Variants in RPS6KA2 observed in about 807,000 individuals in gnomAD.
RPS6KA2 encodes ribosomal protein S6 kinase A2, also known as ribosomal protein S6 kinase alpha-2.
A neutral mutation model predicts 91.8 loss-of-function variants in RPS6KA2; 42 were observed. The observed-to-expected ratio is 0.46, with a 90% CI of 0.36 to 0.59. The LOEUF (loss-of-function observed/expected upper bound fraction) is 0.59. Among genes scored for constraint, RPS6KA2 ranks in the 20% least tolerant of loss-of-function variants. The pLI is 0.00. For synonymous variants in RPS6KA2, 414 were observed against 393.6 expected (o/e 1.05, Z -0.61); for missense variants, 798 against 978.5 (o/e 0.82, Z 2.46).
chr6:166,754,383 T>C (rs1777935716), intron 2 of RPS6KA2, among the ~76,000 whole-genome samples: 1 of 151,906 alleles, frequency 6.6e-6, no homozygotes, highest in South Asian at 2.1e-4. Context: ...GGCAGAGGGG[T>C]GCAGGAACGT....
chr6:166,676,353 C>G (rs1562377107), intron 2 of RPS6KA2, among the ~76,000 whole-genome samples: 1 of 152,098 alleles, frequency 6.6e-6, no homozygotes, highest in Non-Finnish European at 1.5e-5. Flanking sequence ...GGAGGTGCAG[C>G]CTGCACAACT....
At chr6:166,756,200 G>A (rs1005976149) in intron 2 of RPS6KA2, among the ~76,000 whole-genome samples, 15 of 152,072 alleles carry the variant, frequency 9.9e-5, no homozygotes, top group African/African-American at 3.4e-4. Context: ...TGAGGCAGGA[G>A]AATGGCGTGA....
intron 2 of RPS6KA2, among the ~76,000 whole-genome samples, chr6:166,775,324 C>CT (rs148391109): frequency 6.7e-6 from 1 of 149,796 alleles, no homozygotes; most frequent in Non-Finnish European, 1.5e-5. Flanking sequence ...GGGGGAGTCT[C>CT]TAAGTGCCCA....
At chr6:166,513,600 C>T (rs1014517285) in intron 3 of RPS6KA2, among the ~76,000 whole-genome samples, 62 of 152,146 alleles carry the variant, frequency 4.1e-4, no homozygotes, top group African/African-American at 1.4e-3. Context: ...GAAGGCCTGG[C>T]GTACGTCCCA....
intron 14 of RPS6KA2, among the ~76,000 whole-genome samples, chr6:166,447,494 G>A (rs1033418143): frequency 6.6e-6 from 1 of 151,158 alleles, no homozygotes; most frequent in Non-Finnish European, 1.5e-5. Flanking sequence ...ATTTTTTTTC[G>A]GCTGGCGTCT....
chr6:166,758,496 C>T (rs1308159576), intron 2 of RPS6KA2, among the ~76,000 whole-genome samples: 1 of 152,190 alleles, frequency 6.6e-6, no homozygotes, highest in East Asian at 1.9e-4. Context: ...TCCAGGGCTC[C>T]GTGTGATTGG....
At chr6:166,429,564 C>T (rs756444620) in intron 16 of RPS6KA2, among the ~76,000 whole-genome samples, 28 of 152,158 alleles carry the variant, frequency 1.8e-4, no homozygotes, top group Non-Finnish European at 3.1e-4. Context: ...GATTCTCATG[C>T]CTCTGTCTCC....
At chr6:166,503,914 G>T (rs1290611342) in intron 6 of RPS6KA2, among the ~76,000 whole-genome samples, 1 of 152,234 alleles carries the variant, frequency 6.6e-6, no homozygotes, top group Non-Finnish European at 1.5e-5. Context: ...TGGACTCTGG[G>T]TCTGAGAATT....
At chr6:166,549,327 A>C (rs1305217621) in intron 1 of RPS6KA2, among the ~76,000 whole-genome samples, 1 of 152,218 alleles carries the variant, frequency 6.6e-6, no homozygotes, top group African/African-American at 2.4e-5. Flanking sequence ...AGAGAAATGA[A>C]AACTAAGCTC....
intron 2 of RPS6KA2, chr6:166,701,088 T>G (rs1165309510): frequency 3.1e-6 from 5 of 1,601,248 alleles, no homozygotes; most frequent in South Asian, 1.1e-5. Flanking sequence ...GGCTGTTTCC[T>G]GAGCCTTACT....
At chr6:166,571,570 A>G (rs960371594) in intron 1 of RPS6KA2, among the ~76,000 whole-genome samples, 1 of 152,254 alleles carries the variant, frequency 6.6e-6, no homozygotes, top group African/African-American at 2.4e-5. Flanking sequence ...CAGTGGTCAA[A>G]GGAATGAAAT....
chr6:166,776,697 A>G (rs773887410), intron 2 of RPS6KA2, among the ~76,000 whole-genome samples: 1 of 152,162 alleles, frequency 6.6e-6, no homozygotes, highest in Non-Finnish European at 1.5e-5. Context: ...TTTGCTCTGC[A>G]TGATGTGCTC....
intron 2 of RPS6KA2, among the ~76,000 whole-genome samples, chr6:166,781,320 CT>C (rs1465814346): frequency 6.6e-6 from 1 of 152,256 alleles, no homozygotes; most frequent in Non-Finnish European, 1.5e-5. Context: ...AAGATGACTT[CT>C]TAACGTCAGT....
Position 166,767,968 on chromosome 6 carries a change from C to T in RPS6KA2, c.123+90232G>A, listed in dbSNP as rs1418160360. ...TGTGTCCCCACATGTAAAATCGCTA[C>T]CTTGGCCACCACTGCACCATAACAA... is the stretch of plus-strand genomic sequence containing the variant. On this transcript the variant is annotated intron_variant, in intron 2 of 21. Coordinates refer to the RPS6KA2 transcript ENST00000503859. The surrounding 1 kb of genome is among the most constrained non-coding windows in gnomAD (Gnocchi z 4.6). Among the ~76,000 whole-genome samples, 1 of 152,178 alleles carries T rather than the reference C, an allele frequency of 6.6e-6. No homozygotes were observed. Among genetic ancestry groups the T allele is most frequent in the Non-Finnish European group, 1.5e-5 (1 of 68,032 alleles).
intron 1 of RPS6KA2, among the ~76,000 whole-genome samples, chr6:166,610,783 A>G (rs1786142504): frequency 6.6e-6 from 1 of 152,272 alleles, no homozygotes; most frequent in South Asian, 2.1e-4. Context: ...AAATATATGC[A>G]TATACAATTA....
At chr6:166,431,198 G>C (rs1779118371) in intron 15 of RPS6KA2, among the ~76,000 whole-genome samples, 1 of 152,232 alleles carries the variant, frequency 6.6e-6, no homozygotes, top group Non-Finnish European at 1.5e-5. Context: ...AAAGTGCTGG[G>C]ATTACAGGCG....
chr6:166,839,396 G>C (rs1780401499), intron 2 of RPS6KA2, among the ~76,000 whole-genome samples: 1 of 151,852 alleles, frequency 6.6e-6, no homozygotes, highest in Non-Finnish European at 1.5e-5. Context: ...CCTTTTCCAG[G>C]ATACGTTATG....
intron 16 of RPS6KA2, among the ~76,000 whole-genome samples, chr6:166,425,747 G>A (rs900368010): frequency 6.6e-6 from 1 of 151,994 alleles, no homozygotes; most frequent in South Asian, 2.1e-4. Context: ...AACAAGAAGA[G>A]CTAACTATCC....
intron 10 of RPS6KA2, among the ~76,000 whole-genome samples, chr6:166,480,477 T>TATATATATATA (rs1347612534): frequency 1.0e-3 from 45 of 43,882 alleles, no homozygotes; most frequent in Admixed American, 2.8e-3. Context: ...AAGATTGTGA[T>TATATATATATA]TTTATATATA....
Sources: allele counts gnomAD v4.1 joint callset (sites outside exome capture counted in the v4.1 genomes callset), GRCh38; gene constraint gnomAD v4.1.1; non-coding constraint Gnocchi (gnomAD v3.1); transcripts MANE v1.5; gene names NCBI Gene and HGNC (gene_info 2026-07-23, HGNC 2026-07-21).